The following HYCC1 variants were observed in gnomAD, a reference collection of about 807,000 sequenced individuals.
HYCC1 encodes the protein hyccin.
the HYCC1 span, among the ~76,000 whole-genome samples, chr7:22,988,064 G>A: frequency 3.7e-5 from 5 of 133,764 alleles, no homozygotes; most frequent in African/African-American, 8.3e-5. Flanking sequence ...ATTACCTCTG[G>A]TATGCTGCTG....
the HYCC1 span, among the ~76,000 whole-genome samples, chr7:22,985,241 T>A: frequency 6.6e-6 from 1 of 152,198 alleles, no homozygotes; most frequent in African/African-American, 2.4e-5. Context: ...ATGATTAGTA[T>A]ATAGGTGGAT....
chr7:22,983,316 G>A, the HYCC1 span, among the ~76,000 whole-genome samples: 2 of 144,432 alleles, frequency 1.4e-5, no homozygotes, highest in East Asian at 2.0e-4. Context: ...GCAACAAAAT[G>A]AGACCCTGTC....
the HYCC1 span, among the ~76,000 whole-genome samples, chr7:22,959,560 C>T: frequency 6.6e-6 from 1 of 151,716 alleles, no homozygotes; most frequent in South Asian, 2.1e-4. Flanking sequence ...TGGTTGTTGA[C>T]ACTACAATAA....
At chr7:22,926,436 T>C in the HYCC1 span, among the ~76,000 whole-genome samples, 2 of 152,024 alleles carry the variant, frequency 1.3e-5, no homozygotes, top group Admixed American at 6.6e-5. Context: ...TTCAGGAAAC[T>C]CATCTCACGT....
At chr7:22,933,779 AGTCT>A in the HYCC1 span, among the ~76,000 whole-genome samples, 1 of 152,176 alleles carries the variant, frequency 6.6e-6, no homozygotes, top group Admixed American at 6.6e-5. Flanking sequence ...CTATTTTTTA[AGTCT>A]GTCTCTGATA....
the HYCC1 span, among the ~76,000 whole-genome samples, chr7:22,980,064 C>T: frequency 2.0e-5 from 3 of 152,084 alleles, no homozygotes; most frequent in African/African-American, 7.2e-5. Context: ...TCCACTATGA[C>T]CAAAATCACA....
chr7:22,961,148 T>A, the HYCC1 span: 2 of 789,488 alleles, frequency 2.5e-6, no homozygotes, highest in South Asian at 2.8e-5. Context: ...AATGACATAT[T>A]AATAAACTAT....
At chr7:22,964,490 T>C in the HYCC1 span, 8 of 1,610,362 alleles carry the variant, frequency 5.0e-6, no homozygotes, top group Non-Finnish European at 6.8e-6. Flanking sequence ...TATACCTTTA[T>C]ATTTTCTTAC....
the HYCC1 span, chr7:22,946,985 C>G: frequency 6.5e-7 from 1 of 1,549,306 alleles, no homozygotes; most frequent in Admixed American, 2.0e-5. Context: ...TCTGCTAAAA[C>G]TGCACTCTGC....
At chr7:22,909,007 T>C in the HYCC1 span, among the ~76,000 whole-genome samples, 1 of 152,132 alleles carries the variant, frequency 6.6e-6, no homozygotes, top group African/African-American at 2.4e-5. Flanking sequence ...CTGTCTCCCA[T>C]TATTGCTGGG....
At chr7:23,011,054 A>G in the HYCC1 span, among the ~76,000 whole-genome samples, 1 of 152,132 alleles carries the variant, frequency 6.6e-6, no homozygotes, top group Admixed American at 6.5e-5. Flanking sequence ...ACACCTCCTT[A>G]CAGCATTCAA....
the HYCC1 span, among the ~76,000 whole-genome samples, chr7:22,980,646 T>C: frequency 1.3e-5 from 2 of 152,152 alleles, no homozygotes; most frequent in Non-Finnish European, 2.9e-5. Flanking sequence ...TTGCAAAATT[T>C]TTTGTATTGA....
the HYCC1 span, chr7:22,938,988 TAC>T: frequency 2.6e-5 from 4 of 152,284 alleles, no homozygotes; most frequent in East Asian, 3.9e-4. Context: ...ATTATACATA[TAC>T]ACACACTCAT....
chr7:22,913,126 G>GAAA, the HYCC1 span, among the ~76,000 whole-genome samples: 686 of 146,474 alleles, frequency 4.7e-3, 7 homozygotes, highest in Admixed American at 0.037. Context: ...CTCCATCTTG[G>GAAA]AAAAAAAAAA....
At chr7:22,958,752 A>T in the HYCC1 span, among the ~76,000 whole-genome samples, 1 of 152,092 alleles carries the variant, frequency 6.6e-6, no homozygotes, top group South Asian at 2.1e-4. Flanking sequence ...TCATATACAC[A>T]CATATGCACA....
At chr7:22,964,559 TAA>T in the HYCC1 span, 2 of 1,270,376 alleles carry the variant, frequency 1.6e-6, no homozygotes, top group Non-Finnish European at 2.3e-6. Flanking sequence ...AATGTATTTC[TAA>T]AATTGGTAAA....
At chr7:23,009,566 G>C in the HYCC1 span, among the ~76,000 whole-genome samples, 1 of 152,054 alleles carries the variant, frequency 6.6e-6, no homozygotes, top group African/African-American at 2.4e-5. Context: ...TGAAAGCCAA[G>C]AGTCAAGGCT....
chr7:22,990,858 C>T, the HYCC1 span, among the ~76,000 whole-genome samples: 10 of 152,270 alleles, frequency 6.6e-5, no homozygotes, highest in African/African-American at 2.4e-4. Context: ...TGAATAAACT[C>T]TTTGAACCAC....
At chr7:22,969,416 G>A in the HYCC1 span, among the ~76,000 whole-genome samples, 5 of 150,188 alleles carry the variant, frequency 3.3e-5, no homozygotes, top group Admixed American at 6.6e-5. Flanking sequence ...TCCACCCGCC[G>A]TGGCCTCTCA....
Sources: gnomAD v4.1 joint callset for allele counts (sites outside exome capture counted in the v4.1 genomes callset) on GRCh38, gnomAD v4.1.1 for gene constraint, MANE v1.5 for transcripts, NCBI Gene and HGNC (gene_info 2026-07-23, HGNC 2026-07-21) for gene names.